Variants in WWOX observed in about 807,000 individuals in gnomAD.
The protein encoded by WWOX is WW domain containing oxidoreductase.
Under a neutral mutation model 46.2 loss-of-function variants are expected in WWOX, and 69 were observed. The ratio of observed to expected loss-of-function variants is 1.49; its 90% CI spans 1.23 to 1.82. The LOEUF (loss-of-function observed/expected upper bound fraction) is 1.82, where lower values mean the gene tolerates loss of function less well. Among genes scored for constraint, WWOX ranks in the 40% most tolerant of loss-of-function variants. The pLI, the probability that WWOX is intolerant of heterozygous loss-of-function variation, is 0.00. For missense variants in WWOX, 919 were observed against 542.6 expected (o/e 1.69, Z -6.89); for synonymous variants, 359 against 202.6 (o/e 1.77, Z -6.56).
At chr16:79,004,912 C>T (rs916135105) in intron 8 of WWOX, among the ~76,000 whole-genome samples, 1 of 152,050 alleles carries the variant, frequency 6.6e-6, no homozygotes, top group East Asian at 1.9e-4. Flanking sequence ...CAGCTTAATT[C>T]TGGCCTTTAT....
chr16:78,976,074 A>C (rs2046567090), intron 8 of WWOX, among the ~76,000 whole-genome samples: 1 of 152,294 alleles, frequency 6.6e-6, no homozygotes, highest in Middle Eastern at 3.4e-3. Context: ...ACATTAGGGC[A>C]TTGTTATTCC....
chr16:79,112,665 G>C (rs1310739089), intron 8 of WWOX, among the ~76,000 whole-genome samples: 2 of 152,140 alleles, frequency 1.3e-5, no homozygotes, highest in African/African-American at 2.4e-5. Flanking sequence ...ATGAATGTTT[G>C]CACATCATTT....
At chr16:79,057,820 A>C (rs1429978981) in intron 8 of WWOX, among the ~76,000 whole-genome samples, 1 of 152,182 alleles carries the variant, frequency 6.6e-6, no homozygotes, top group African/African-American at 2.4e-5. Flanking sequence ...CATATTGCCA[A>C]GTTCCGCTGA....
intron 8 of WWOX, among the ~76,000 whole-genome samples, chr16:79,008,640 G>A (rs1266801691): frequency 6.6e-6 from 1 of 152,162 alleles, no homozygotes; most frequent in Non-Finnish European, 1.5e-5. Flanking sequence ...GAAGGACAGA[G>A]CTTGGGCATG....
At chr16:78,900,242 T>G (rs369619073) in intron 8 of WWOX, among the ~76,000 whole-genome samples, 1 of 152,078 alleles carries the variant, frequency 6.6e-6, no homozygotes, top group East Asian at 1.9e-4. Context: ...TCTTTTCTCC[T>G]CCTGTTTTGT....
At chr16:78,844,334 A>T (rs993993096) in intron 8 of WWOX, among the ~76,000 whole-genome samples, 4 of 152,168 alleles carry the variant, frequency 2.6e-5, no homozygotes, top group Non-Finnish European at 4.4e-5. Context: ...AAACATGGAG[A>T]AATAAATACA....
intron 6 of WWOX, among the ~76,000 whole-genome samples, chr16:78,415,704 G>A (rs946425316): frequency 7.9e-5 from 12 of 152,130 alleles, no homozygotes; most frequent in Non-Finnish European, 1.3e-4. Flanking sequence ...TTAAAAAAGG[G>A]AAGGAGCTGG....
intron 8 of WWOX, chr16:78,996,380 C>CG (rs1343427497): frequency 1.0e-5 from 6 of 576,484 alleles, no homozygotes; most frequent in Non-Finnish European, 1.2e-5. Context: ...GCACCCACCC[C>CG]CGCCCCCCAG....
At chr16:78,194,130 G>A (rs897191906) in intron 5 of WWOX, among the ~76,000 whole-genome samples, 2 of 151,606 alleles carry the variant, frequency 1.3e-5, no homozygotes, top group East Asian at 2.0e-4. Flanking sequence ...CGTCCGCCTC[G>A]GCCTCCCAAA....
chr16:79,077,424 A>G (rs1043612747), intron 8 of WWOX: 8 of 152,160 alleles, frequency 5.3e-5, no homozygotes, highest in Non-Finnish European at 1.0e-4. Flanking sequence ...CCTGATGTGA[A>G]TGGTATTTCT....
At chr16:78,993,246 C>A (rs59903179) in intron 8 of WWOX, among the ~76,000 whole-genome samples, 1 of 149,482 alleles carries the variant, frequency 6.7e-6, no homozygotes, top group South Asian at 2.1e-4. Flanking sequence ...ATAACGGCGC[C>A]GAAACTTTAC....
In WWOX at chr16:78,254,153, C is replaced by T. The variant is rs535350378; in HGVS notation, c.516+89864C>T. On this transcript the variant is annotated intron_variant, in intron 5 of 8. Coordinates refer to ENST00000566780, the MANE Select transcript of WWOX (RefSeq NM_016373.4). ...TGGCGTGATCATGGCTCACTGCAGT[C>T]TTAACCTCCCAGGCTCAAGCGATCC... Among the ~76,000 whole-genome samples the T allele has an allele frequency of 2.0e-5, 3 of 152,054 alleles. No homozygotes were observed. The South Asian group carries it at 6.2e-4, about 32-fold the overall frequency.
At chr16:78,528,190 A>ATTTTTTTTTTTTTT (rs1567623979) in intron 8 of WWOX, among the ~76,000 whole-genome samples, 1 of 32,402 alleles carries the variant, frequency 3.1e-5, no homozygotes, top group African/African-American at 1.3e-4. Flanking sequence ...TTTTTTTTGC[A>ATTTTTTTTTTTTTT]TTTTTAGTCG....
intron 8 of WWOX, among the ~76,000 whole-genome samples, chr16:78,918,185 C>G (rs756673669): frequency 9.9e-5 from 15 of 152,044 alleles, no homozygotes; most frequent in Middle Eastern, 3.4e-3. Flanking sequence ...ATTGCACCAG[C>G]CTGGGTGACA....
chr16:79,089,971 A>G (rs2048924571), intron 8 of WWOX: 1 of 149,046 alleles, frequency 6.7e-6, no homozygotes, highest in Non-Finnish European at 1.5e-5. Flanking sequence ...GAAAAAAAAA[A>G]AAGGGGGGGC....
At chr16:78,613,846 G>C (rs1429711578) in intron 8 of WWOX, among the ~76,000 whole-genome samples, 1 of 152,178 alleles carries the variant, frequency 6.6e-6, no homozygotes, top group African/African-American at 2.4e-5. Context: ...AATACACTGC[G>C]TATTCTGTGT....
chr16:78,323,576 C>G (rs2080538619), intron 5 of WWOX, among the ~76,000 whole-genome samples: 2 of 152,088 alleles, frequency 1.3e-5, no homozygotes, highest in Admixed American at 6.6e-5. Context: ...GAGGCGGGAA[C>G]CCCACTGAGC....
intron 8 of WWOX, among the ~76,000 whole-genome samples, chr16:78,585,225 T>C (rs1018614369): frequency 1.3e-5 from 2 of 152,226 alleles, no homozygotes; most frequent in African/African-American, 4.8e-5. Flanking sequence ...CCATAAAATG[T>C]AATCTGCAAA....
intron 8 of WWOX, among the ~76,000 whole-genome samples, chr16:78,616,448 C>T (rs1386914307): frequency 6.6e-6 from 1 of 151,598 alleles, no homozygotes; most frequent in Admixed American, 6.6e-5. Flanking sequence ...GCAGAGGCAA[C>T]TCTCTGGGGT....
Sources: gnomAD v4.1 joint callset for allele counts (sites outside exome capture counted in the v4.1 genomes callset) on GRCh38, gnomAD v4.1.1 for gene constraint, MANE v1.5 for transcripts, NCBI Gene and HGNC (gene_info 2026-07-23, HGNC 2026-07-21) for gene names.